TMC5: variants seen among roughly 807,000 people sequenced by gnomAD.
The protein encoded by TMC5 is transmembrane channel like 5.
A neutral mutation model predicts 110.5 loss-of-function variants in TMC5; 86 were observed. That is an observed-to-expected ratio of 0.78 (90% CI 0.65 to 0.93). TMC5 has a LOEUF of 0.93. Among genes scored for constraint, TMC5 ranks in the 40% least tolerant of loss-of-function variants. The pLI is 0.00. For missense variants in TMC5, 1,144 were observed against 1,222.8 expected, an observed-to-expected ratio of 0.94 and a Z score of 0.96; for synonymous variants, 455 against 439.5, an observed-to-expected ratio of 1.04 and a Z score of -0.44.
intron 17 of TMC5, among the ~76,000 whole-genome samples, chr16:19,488,264 A>G (rs927346103): frequency 4.7e-4 from 71 of 152,218 alleles, no homozygotes; most frequent in African/African-American, 1.7e-3. Flanking sequence ...GCCTAACTCA[A>G]GTTCCCTGGC....
At chr16:19,434,265 AATAT>A (rs1395789326) in intron 2 of TMC5, among the ~76,000 whole-genome samples, 26 of 105,354 alleles carry the variant, frequency 2.5e-4, no homozygotes, top group Non-Finnish European at 4.2e-4. Flanking sequence ...ATATATCTAT[AATAT>A]ATATAGATCT....
intron 1 of TMC5, among the ~76,000 whole-genome samples, chr16:19,419,435 C>T (rs1235162414): frequency 1.4e-5 from 1 of 70,902 alleles, no homozygotes; most frequent in Non-Finnish European, 2.6e-5. Flanking sequence ...TTTTTTGAGA[C>T]AGTGTCTTGC....
At chr16:19,451,848 G>C (rs1356341047) in intron 5 of TMC5, among the ~76,000 whole-genome samples, 2 of 152,064 alleles carry the variant, frequency 1.3e-5, no homozygotes, top group Non-Finnish European at 2.9e-5. Flanking sequence ...ATTCAGGCTG[G>C]AGTGCAGTGG....
At chr16:19,469,853 C>G in intron 10 of TMC5, 28 bp downstream of exon 10, 3 of 1,612,020 alleles carry the variant, frequency 1.9e-6, no homozygotes, top group South Asian at 1.1e-5. Context: ...TACTCATTTG[C>G]CATCGGCTGG....
At chr16:19,467,777 C>T (rs899971722) in intron 9 of TMC5, among the ~76,000 whole-genome samples, 2 of 152,052 alleles carry the variant, frequency 1.3e-5, no homozygotes, top group Non-Finnish European at 2.9e-5. Flanking sequence ...CCACTGCGCC[C>T]GGCCTGTAAT....
At chr16:19,455,197 C>T (rs1967837118) in intron 5 of TMC5, among the ~76,000 whole-genome samples, 2 of 151,804 alleles carry the variant, frequency 1.3e-5, no homozygotes, top group Non-Finnish European at 2.9e-5. Context: ...CCTGTAATCT[C>T]AGCACTTTGG....
chr16:19,461,536 T>C (rs1968022559), intron 6 of TMC5, among the ~76,000 whole-genome samples: 1 of 151,450 alleles, frequency 6.6e-6, no homozygotes. Flanking sequence ...ATCACACCAC[T>C]GCACTCCAGC....
intron 12 of TMC5, among the ~76,000 whole-genome samples, chr16:19,475,744 C>A: frequency 6.6e-6 from 1 of 151,978 alleles, no homozygotes; most frequent in Non-Finnish European, 1.5e-5. Flanking sequence ...TCCTTGCACA[C>A]CCCATTAAAA....
At chr16:19,428,917 C>T (rs151023328) in intron 1 of TMC5, among the ~76,000 whole-genome samples, 24 of 152,174 alleles carry the variant, frequency 1.6e-4, no homozygotes, top group Non-Finnish European at 3.4e-4. Context: ...CCTCCGCCTT[C>T]CAGGTTCAAG....
chr16:19,497,347 T>G (rs1230789476), intron 21 of TMC5, among the ~76,000 whole-genome samples, 184 bp downstream of exon 21: 1 of 152,248 alleles, frequency 6.6e-6, no homozygotes, highest in Non-Finnish European at 1.5e-5. Flanking sequence ...GAACTCACAG[T>G]GTCACCAGAA....
intron 1 of TMC5, among the ~76,000 whole-genome samples, chr16:19,428,506 A>G (rs1042016931): frequency 6.6e-6 from 1 of 152,142 alleles, no homozygotes; most frequent in Admixed American, 6.6e-5. Context: ...ATTAGAACTC[A>G]TGTTAATTCA....
At chr16:19,463,686 A>T (rs1213391466) in intron 7 of TMC5, 90 bp from the exon 8 acceptor site, 2 of 1,467,098 alleles carry the variant, frequency 1.4e-6, no homozygotes, top group Non-Finnish European at 1.9e-6. Context: ...TACTCCAGAC[A>T]TGGTGGCTGT....
chr16:19,444,579 C>A (rs9925965), intron 4 of TMC5, among the ~76,000 whole-genome samples: 5,535 of 152,160 alleles, frequency 0.036, 127 homozygotes, highest in African/African-American at 0.057. Context: ...TTTCAGAAGC[C>A]GTGTATTTGG....
At chr16:19,443,999 G>C in intron 3 of TMC5, 82 bp from the exon 4 acceptor site, 1 of 76,286 alleles carries the variant, frequency 1.3e-5, no homozygotes. Flanking sequence ...ATGATTGAAT[G>C]GATGGATGGA....
At chr16:19,493,465 C>CTCTGTCTTT (rs71375644) in intron 19 of TMC5, among the ~76,000 whole-genome samples, 2 of 74,786 alleles carry the variant, frequency 2.7e-5, no homozygotes, top group Admixed American at 1.1e-4. Context: ...CTCTCTCTCT[C>CTCTGTCTTT]TTTTTTTTTT....
chr16:19,438,343 T>C (rs1254413983), intron 2 of TMC5, among the ~76,000 whole-genome samples: 1 of 133,076 alleles, frequency 7.5e-6, no homozygotes, highest in African/African-American at 2.9e-5. Context: ...CAGTGAGCTA[T>C]GATTGTACCA....
At chr16:19,450,359 T>C (rs74013783) in intron 5 of TMC5, among the ~76,000 whole-genome samples, 10,720 of 152,158 alleles carry the variant, frequency 0.07, 767 homozygotes, top group African/African-American at 0.19. Context: ...ACGTAGTAGG[T>C]ATTTTAGGGA....
rs765142617 is a variant in TMC5, at chr16:19,487,309, G to A, written c.2556G>A (p.Leu852=). The change falls in exon 17 of 22, where the codon CTG becomes CTA. Residue 852 remains leucine (L), a synonymous_variant. Transcript: ENST00000542583. ...CCTTCACCGGGGTCTTGTGCACCCTGGCCATCACCATCTGGAGGTAGGAGA... is the reference window on the plus strand; with the variant it reads ...CCTTCACCGGGGTCTTGTGCACCCTAGCCATCACCATCTGGAGGTAGGAGA... ...FPSFTGVLCT[L]AITIWRLKPS... The A allele has an allele frequency of 4.3e-6, 7 of 1,613,698 alleles. No individual in the cohort carries two copies. In the East Asian group the frequency reaches 1.3e-4, roughly 31 times the overall value.
At chr16:19,412,905 C>A (rs1966859791), upstream of TMC5, among the ~76,000 whole-genome samples, 1 of 152,142 alleles carries the variant, frequency 6.6e-6, no homozygotes, top group Admixed American at 6.5e-5. Flanking sequence ...AGTGCAGTGG[C>A]ACAATTGTAG....
Sources: allele counts gnomAD v4.1 joint callset (sites outside exome capture counted in the v4.1 genomes callset), GRCh38; gene constraint gnomAD v4.1.1; transcripts MANE v1.5; gene names NCBI Gene and HGNC (gene_info 2026-07-23, HGNC 2026-07-21).